The following ATP6AP1 variants were observed in gnomAD, a reference collection of about 807,000 sequenced individuals.
The protein encoded by ATP6AP1 is ATPase H+ transporting accessory protein 1.
Under a neutral mutation model 32.0 loss-of-function variants are expected in ATP6AP1, and 1 was observed. The observed-to-expected ratio is 0.03, with a 90% CI of 0.01 to 0.15. The LOEUF is 0.15. Ranked by LOEUF, ATP6AP1 falls within the 10% of genes least tolerant of loss-of-function variation. ATP6AP1 has a pLI of 1.00. For synonymous variants in ATP6AP1, 187 were observed against 174.9 expected, an observed-to-expected ratio of 1.07 and a Z score of -0.55; for missense variants, 297 against 398.8, an observed-to-expected ratio of 0.74 and a Z score of 2.17.
intron 1 of ATP6AP1, 58 bp downstream of exon 1, chrX:154,428,911 G>A (rs1166311088): frequency 1.8e-6 from 2 of 1,096,073 alleles, no homozygotes; most frequent in Admixed American, 7.2e-5. Flanking sequence ...CCCGACTCCG[G>A]CGCTGTCCTA....
At chrX:154,431,146 G>A (rs1374514864) in intron 2 of ATP6AP1, 11 of 111,275 alleles carry the variant, frequency 9.9e-5, no homozygotes, top group African/African-American at 3.6e-4. Flanking sequence ...GGGGAGGCTG[G>A]GCGAGTGTGT....
rs1337979463 is a variant in ATP6AP1 at position 154,434,423 on chromosome X, C to T, written c.900C>T (p.Ser300=). The T allele has an allele frequency of 8.3e-7, 1 of 1,210,001 alleles. No homozygotes were observed. The highest frequency in any genetic ancestry group is 1.1e-6 in the Non-Finnish European group (1 of 894,860). Residue 300 remains serine, a synonymous_variant, in exon 7 of 10, where the codon TCC becomes TCT. Transcript: ENST00000369762. ...TGCAGGAACTCAACCTGACTGGCTC[C>T]TTCTGGAATGACTCCTTTGCCAGGC... ...FGVQELNLTG[S]FWNDSFARLS...
At position 154,436,129 on chromosome X, in the gene ATP6AP1, C is replaced by G. The variant is rs782279219; in HGVS notation, c.*238C>G. 7.2e-6 allele frequency: 3 copies of G among 418,475 alleles called. No individual in the cohort carries two copies. In the South Asian group the frequency reaches 1.2e-4, roughly 16 times the overall value. The allele number at this position is 418,475 out of a possible 1,213,427, so 34.5% of individuals were successfully genotyped here. A position where few individuals can be genotyped will look rare whatever the true frequency, so the allele number is the denominator to read the frequency against. ...CTAGACCAACCAGCTTCCCAGGGTT[C>G]GTCGCTGTGAGGCGTAAGGGACATG... On this transcript the variant is annotated 3_prime_UTR_variant, in exon 10 of 10. Transcript: ENST00000369762.
At chrX:154,434,139 C>T (rs986591504) in intron 6 of ATP6AP1, 69 bp from the exon 7 acceptor site, 33 of 1,069,923 alleles carry the variant, frequency 3.1e-5, no homozygotes, top group Middle Eastern at 5.5e-4. Flanking sequence ...AAGGAGGGCA[C>T]GACAATTGGG....
In ATP6AP1 at chrX:154,432,816, G is replaced by A. The variant is rs2068701037; in HGVS notation, c.558-115G>A. Reference sequence around the variant, plus strand: ...CAGGAGGGGGCACTGAGGTAAGAGTGTGCAGGCTTGGTGCGTGGGGCTAGT... The same window carrying A: ...CAGGAGGGGGCACTGAGGTAAGAGTATGCAGGCTTGGTGCGTGGGGCTAGT... On this transcript the variant is annotated intron_variant, in intron 4 of 9. Coordinates refer to ENST00000369762, the MANE Select transcript of ATP6AP1 (RefSeq NM_001183.6). 14 of 903,193 alleles carry A rather than the reference G, an allele frequency of 1.6e-5. No individual in the cohort carries two copies. In the South Asian group the frequency reaches 2.6e-4, roughly 17 times the overall value. 74.4% of individuals were successfully genotyped at this position (903,193 alleles called of 1,213,427 possible).
At position 154,428,868 on chromosome X, in the gene ATP6AP1, G is replaced by T; in HGVS notation, c.161+15G>T. 1 of 1,088,803 alleles carries T rather than the reference G, an allele frequency of 9.2e-7. No individual in the cohort carries two copies. The highest frequency in any genetic ancestry group is 3.6e-5 in the East Asian group (1 of 27,994). 89.7% of individuals were successfully genotyped at this position (1,088,803 alleles called of 1,213,427 possible). A position where few individuals can be genotyped will look rare whatever the true frequency, so the allele number is the denominator to read the frequency against. ...TCGAGTGACCGGTGAGCGGGCCGGG[G>T]TGGGATGCGCTGTGGCGGCTGAGGC... On this transcript the variant is annotated intron_variant, in intron 1 of 9. Coordinates refer to ENST00000369762, the MANE Select transcript of ATP6AP1 (RefSeq NM_001183.6).
chrX:154,431,012 C>G (rs1363125868), intron 2 of ATP6AP1: 2 of 111,123 alleles, frequency 1.8e-5, no homozygotes. Context: ...CCTTGGGTAA[C>G]GTGGAGCAGG....
At chrX:154,432,551 A>T in intron 4 of ATP6AP1, 92 bp downstream of exon 4, 1 of 1,046,071 alleles carries the variant, frequency 9.6e-7, no homozygotes, top group African/African-American at 1.9e-5. Flanking sequence ...TTGGCTAAAG[A>T]TGCCAGTACT....
At chrX:154,432,517 G>A in intron 4 of ATP6AP1, 58 bp downstream of exon 4, 1 of 1,113,107 alleles carries the variant, frequency 9.0e-7, no homozygotes, top group South Asian at 2.2e-5. Flanking sequence ...CAAGGCCCTG[G>A]GCTATGGCAT....
Position 154,433,003 on chromosome X carries a change from A to G in ATP6AP1, c.598+32A>G, listed in dbSNP as rs782324091. The stretch of plus-strand genomic sequence containing the variant: ...AGAATCAGGGAGGATGCACGTCCTC[A>G]TCTAGCCCTTGGGTGGGGGCCACAG... On this transcript the variant is annotated intron_variant, in intron 5 of 9. Transcript: ENST00000369762. The G allele has an allele frequency of 2.7e-5, 32 of 1,202,155 alleles. No individual in the cohort carries two copies. In the South Asian group the frequency reaches 5.7e-4, roughly 21 times the overall value.
At chrX:154,435,215 G>A in intron 8 of ATP6AP1, 29 bp downstream of exon 8, 2 of 1,208,642 alleles carry the variant, frequency 1.7e-6, no homozygotes, top group South Asian at 1.8e-5. Context: ...TGAGGTATGG[G>A]TGGGCTGGTG....
At chrX:154,432,909 G>A in intron 4 of ATP6AP1, 22 bp from the exon 5 acceptor site, 1 of 1,211,582 alleles carries the variant, frequency 8.3e-7, no homozygotes, top group Non-Finnish European at 1.1e-6. Context: ...GAGGACTCTG[G>A]CGCTCTGTTT....
In ATP6AP1 at chrX:154,434,353, C is replaced by T. The variant is rs868950779; in HGVS notation, c.830C>T (p.Ala277Val). Reference sequence around the variant, plus strand: ...TTCTGGGCCCAAAACTTCTCTGTGGCGTACAAGGACCAGTGGGAGGACCTG... The same window carrying T: ...TTCTGGGCCCAAAACTTCTCTGTGGTGTACAAGGACCAGTGGGAGGACCTG... Reference protein sequence around the residue: ...ILFWAQNFSVAYKDQWEDLTP... With the variant: ...ILFWAQNFSVVYKDQWEDLTP... Residue 277 changes from alanine (A) to valine (V), a missense_variant, in exon 7 of 10, where the codon GCG becomes GTG. Ala to Val is a moderately conservative substitution (Grantham distance 64). Coordinates refer to ENST00000369762, the MANE Select transcript of ATP6AP1 (RefSeq NM_001183.6). 5.0e-6 allele frequency: 6 copies of T among 1,210,264 alleles called. No individual in the cohort carries two copies. The highest frequency in any genetic ancestry group is 3.5e-5 in the South Asian group (2 of 56,867).
At chrX:154,433,842 A>G (rs1314599091) in intron 6 of ATP6AP1, 122 bp downstream of exon 6, 2 of 729,433 alleles carry the variant, frequency 2.7e-6, no homozygotes, top group Non-Finnish European at 4.0e-6. Flanking sequence ...TAGGGGAAGC[A>G]TGAGGCACAG....
chrX:154,431,610 T>C, intron 2 of ATP6AP1: 1 of 409,580 alleles, frequency 2.4e-6, no homozygotes, highest in East Asian at 4.1e-5. Flanking sequence ...ACCCCATGAC[T>C]GCCTTCCATG....
intron 5 of ATP6AP1, 141 bp from the exon 6 acceptor site, chrX:154,433,494 G>A (rs1431646366): frequency 3.3e-6 from 2 of 608,165 alleles, no homozygotes; most frequent in Admixed American, 5.8e-5. Context: ...ATGAGAAGTA[G>A]CTGCTCCTAA....
chrX:154,432,567 C>T lies in ATP6AP1; in HGVS notation c.557+108C>T, dbSNP rs1384385272. On this transcript the variant is annotated intron_variant, in intron 4 of 9. Transcript: ENST00000369762. The stretch of plus-strand genomic sequence containing the variant: ...TGGCTAAAGATGCCAGTACTCCCCA[C>T]CCCCTCACAGCCCTTCCAGAAGGTG... The T allele has an allele frequency of 5.0e-6, 5 of 1,008,046 alleles. No individual in the cohort carries two copies. In the East Asian group the frequency reaches 1.0e-4, roughly 20 times the overall value. 83.1% of individuals were successfully genotyped at this position (1,008,046 alleles called of 1,213,427 possible). A position where few individuals can be genotyped will look rare whatever the true frequency, so the allele number is the denominator to read the frequency against.
chrX:154,432,889 C>T, intron 4 of ATP6AP1, 42 bp from the exon 5 acceptor site: 3 of 1,208,592 alleles, frequency 2.5e-6, no homozygotes, highest in Non-Finnish European at 3.4e-6. Flanking sequence ...AGTGCAGGTC[C>T]AGGCCGCCTG....
At position 154,435,793 on chromosome X, in the gene ATP6AP1, A is replaced by T. The variant is rs2068716385; in HGVS notation, c.1315A>T (p.Ile439Phe). 2.5e-6 allele frequency: 3 copies of T among 1,211,451 alleles called. No homozygotes were observed. Among genetic ancestry groups the T allele is most frequent in the Non-Finnish European group, 3.4e-6 (3 of 895,355 alleles). The change falls in exon 10 of 10, where the codon ATC becomes TTC. Residue 439 changes from isoleucine (I) to phenylalanine (F), a missense_variant. Physicochemically the swap from Ile to Phe is conservative, Grantham distance 21. Coordinates refer to ENST00000369762, the MANE Select transcript of ATP6AP1 (RefSeq NM_001183.6). Reference sequence around the variant, plus strand: ...GCTCACCTCCCTGTTCATGCTCTTCATCTTCACCTATGGCCTGCACATGAT... The same window carrying T: ...GCTCACCTCCCTGTTCATGCTCTTCTTCTTCACCTATGGCCTGCACATGAT... ...GLLTSLFMLF[I>F]FTYGLHMILS...
Sources: allele counts gnomAD v4.1 joint callset, GRCh38; gene constraint gnomAD v4.1.1; transcripts MANE v1.5; gene names NCBI Gene and HGNC (gene_info 2026-07-23, HGNC 2026-07-21).